Variants in UXS1 observed in about 807,000 individuals in gnomAD.
The protein encoded by UXS1 is UDP-glucuronate decarboxylase 1.
A neutral mutation model predicts 62.6 loss-of-function variants in UXS1; 33 were observed. The ratio of observed to expected loss-of-function variants is 0.53; its 90% confidence interval spans 0.40 to 0.70. The LOEUF (loss-of-function observed/expected upper bound fraction) is 0.70, where lower values mean the gene tolerates loss of function less well. Among genes scored for constraint, UXS1 ranks in the 30% least tolerant of loss-of-function variants. UXS1 has a pLI of 0.00. For missense variants in UXS1, 434 were observed against 556.3 expected (o/e 0.78, Z 2.21); for synonymous variants, 213 against 206.8 (o/e 1.03, Z -0.26).
At chr2:106,157,057 A>G (rs1358017966) in intron 5 of UXS1, among the ~76,000 whole-genome samples, 1 of 152,238 alleles carries the variant, frequency 6.6e-6, no homozygotes, top group Non-Finnish European at 1.5e-5. Context: ...CTACATGGAC[A>G]AAAAACAGAT....
At chr2:106,180,290 A>G (rs766549916) in intron 1 of UXS1, among the ~76,000 whole-genome samples, 18 of 152,252 alleles carry the variant, frequency 1.2e-4, no homozygotes, top group Non-Finnish European at 2.4e-4. Flanking sequence ...GATGCTTTCC[A>G]TATACTTCCA....
At chr2:106,110,483 G>C (rs549103657) in intron 10 of UXS1, among the ~76,000 whole-genome samples, 1 of 152,182 alleles carries the variant, frequency 6.6e-6, no homozygotes, top group Non-Finnish European at 1.5e-5. Flanking sequence ...AGGAGTTTCT[G>C]AACACAGTTG....
intron 9 of UXS1, among the ~76,000 whole-genome samples, chr2:106,122,398 C>A (rs757581482): frequency 2.0e-5 from 3 of 152,176 alleles, no homozygotes; most frequent in African/African-American, 7.2e-5. Context: ...GAGAGAATGA[C>A]GGCTTAAATC....
intron 6 of UXS1, among the ~76,000 whole-genome samples, chr2:106,143,165 G>A (rs539529760): frequency 2.2e-4 from 33 of 151,732 alleles, no homozygotes; most frequent in African/African-American, 7.5e-4. Context: ...GGTATCATTT[G>A]GGGGAGGTCA....
intron 10 of UXS1, among the ~76,000 whole-genome samples, chr2:106,110,850 C>T (rs1230352570): frequency 6.6e-6 from 1 of 152,190 alleles, no homozygotes; most frequent in Non-Finnish European, 1.5e-5. Flanking sequence ...GCACTGAAGA[C>T]AACTAACATG....
chr2:106,097,113 G>A (rs1677181455), intron 13 of UXS1: 1 of 533,386 alleles, frequency 1.9e-6, no homozygotes, highest in East Asian at 4.9e-5. Flanking sequence ...CCCACTACAA[G>A]AGGGTTGCTC....
At chr2:106,184,769 A>G (rs1208822591) in intron 1 of UXS1, among the ~76,000 whole-genome samples, 3 of 152,210 alleles carry the variant, frequency 2.0e-5, no homozygotes, top group Non-Finnish European at 4.4e-5. Context: ...TCCAGGGGAC[A>G]CAAACATTCA....
chr2:106,094,125 A>C lies in UXS1; in HGVS notation c.1179T>G (p.Ile393Met). The C allele has an allele frequency of 6.2e-7, 1 of 1,612,500 alleles. No homozygotes were observed. Among genetic ancestry groups the C allele is most frequent in the Non-Finnish European group, 8.5e-7 (1 of 1,179,776 alleles). Residue 393 changes from isoleucine to methionine, a missense_variant, in exon 15 of 15, where the codon ATT becomes ATG. By Grantham distance (10) the Ile-to-Met change is conservative (BLOSUM62 1). Around this residue, in one of 3 missense-constraint regions of UXS1, gnomAD observed 209 missense variants for 233.3 expected, o/e 0.90. Coordinates refer to ENST00000283148, the MANE Select transcript of UXS1 (RefSeq NM_001253875.2). ...ACTCGAGTTCTTTACGGAAGTAGTG[A>C]ATTGCTTTGTTTAAACCTTCCTCCA... Reference protein sequence around the residue: ...VPLEEGLNKAIHYFRKELEYQ... With the variant: ...VPLEEGLNKAMHYFRKELEYQ...
intron 1 of UXS1, among the ~76,000 whole-genome samples, chr2:106,191,239 G>A (rs1025523707): frequency 3.3e-5 from 5 of 152,178 alleles, no homozygotes; most frequent in Admixed American, 3.3e-4. Flanking sequence ...TTCTGTTCCC[G>A]AAACAGGGAG....
chr2:106,129,837 T>A (rs1291177998), intron 6 of UXS1, 59 bp from the exon 7 acceptor site: 2 of 1,080,828 alleles, frequency 1.9e-6, no homozygotes, highest in Admixed American at 4.8e-5. Context: ...AATACTGACC[T>A]CCTAGGATAT....
At chr2:106,164,196 C>T (rs1683070884) in intron 3 of UXS1, among the ~76,000 whole-genome samples, 1 of 152,174 alleles carries the variant, frequency 6.6e-6, no homozygotes, top group Non-Finnish European at 1.5e-5. Flanking sequence ...CAAGGGCTTC[C>T]CAGGACTCCC....
chr2:106,099,549 A>G lies in UXS1; in HGVS notation c.985-776T>C, dbSNP rs117184928. 6.6e-5 allele frequency among the ~76,000 whole-genome samples: 10 copies of G among 152,276 alleles called. No homozygotes were observed. The East Asian group carries it at 9.7e-4, about 15-fold the overall frequency. On this transcript the variant is annotated intron_variant, in intron 12 of 14. Transcript: ENST00000283148. ...ATGACTAGCGAAGTGGAGTGACGGA[A>G]ATTTGCAAGAAAGTGATTCTGCCTT...
intron 1 of UXS1, among the ~76,000 whole-genome samples, chr2:106,176,571 G>A (rs895846230): frequency 4.6e-5 from 7 of 152,206 alleles, no homozygotes; most frequent in Non-Finnish European, 1.0e-4. Context: ...AGTGGCAGCT[G>A]CTGAACGGGA....
chr2:106,116,944 T>C (rs1291246616), intron 9 of UXS1, among the ~76,000 whole-genome samples: 2 of 152,212 alleles, frequency 1.3e-5, no homozygotes, highest in African/African-American at 4.8e-5. Context: ...AATGCAACCA[T>C]TCAGTGGAGA....
chr2:106,183,313 G>A (rs1204195680), intron 1 of UXS1: 1 of 150,506 alleles, frequency 6.6e-6, no homozygotes, highest in Non-Finnish European at 1.5e-5. Flanking sequence ...AGAACCAGCA[G>A]GCTTTGCTTT....
At chr2:106,153,704 G>C (rs1682212177) in intron 5 of UXS1, among the ~76,000 whole-genome samples, 1 of 152,162 alleles carries the variant, frequency 6.6e-6, no homozygotes, top group African/African-American at 2.4e-5. Context: ...AAACAACAAA[G>C]CAATAAAAAC....
intron 4 of UXS1, among the ~76,000 whole-genome samples, chr2:106,162,778 A>AT (rs1682978119): frequency 6.6e-6 from 1 of 152,234 alleles, no homozygotes. Context: ...TCAGTTGAGG[A>AT]TAAGAATCAA....
intron 5 of UXS1, among the ~76,000 whole-genome samples, chr2:106,152,893 A>C (rs1682148927): frequency 6.6e-6 from 1 of 152,158 alleles, no homozygotes; most frequent in African/African-American, 2.4e-5. Context: ...CAGGGGCTAC[A>C]GCACCCTGAT....
chr2:106,139,538 G>GA (rs1057456921), intron 6 of UXS1, among the ~76,000 whole-genome samples: 18 of 152,172 alleles, frequency 1.2e-4, no homozygotes, highest in African/African-American at 4.1e-4. Context: ...ACATAGGGAA[G>GA]AAAAAAATCA....
Sources: gnomAD v4.1 joint callset for allele counts (sites outside exome capture counted in the v4.1 genomes callset) on GRCh38, gnomAD v4.1.1 for gene constraint, gnomAD v4.1.1 regional missense constraint, MANE v1.5 for transcripts, NCBI Gene and HGNC (gene_info 2026-07-23, HGNC 2026-07-21) for gene names.